The following PICALM variants were observed in gnomAD, a reference collection of about 807,000 sequenced individuals.
PICALM encodes the protein phosphatidylinositol binding clathrin assembly protein.
A neutral mutation model predicts 80.5 loss-of-function variants in PICALM; 40 were observed. The ratio of observed to expected loss-of-function variants is 0.50; its 90% confidence interval spans 0.39 to 0.65. The LOEUF (loss-of-function observed/expected upper bound fraction) is 0.65. PICALM is among the 30% of genes least tolerant of loss of function. The probability of loss-of-function intolerance (pLI) is 0.00; values close to 1 mark genes in which losing one functional copy is unlikely to be tolerated. For missense variants in PICALM, 676 were observed against 778.9 expected (o/e 0.87, Z 1.57); for synonymous variants, 288 against 260.3 (o/e 1.11, Z -1.02).
intron 1 of PICALM, among the ~76,000 whole-genome samples, chr11:86,060,637 ACACCTT>A (rs1217632157): frequency 3.3e-5 from 5 of 152,106 alleles, no homozygotes; most frequent in Admixed American, 3.3e-4. Context: ...TCCCCAGACC[ACACCTT>A]AAGAACCACT....
rs2093561812 is a variant in PICALM at position 85,957,183 on chromosome 11, A to G, written c.*1863T>C. On this transcript the variant is annotated 3_prime_UTR_variant, in exon 20 of 20. Transcript: ENST00000393346. ...AAAGTACAACTTCCCAGTTTATATGAAAATGGTTTAATAATACTGAAACTT... is the reference window on the plus strand; with the variant it reads ...AAAGTACAACTTCCCAGTTTATATGGAAATGGTTTAATAATACTGAAACTT... 6.6e-6 allele frequency among the ~76,000 whole-genome samples: 1 copy of G among 152,222 alleles called. No individual in the cohort carries two copies.
intron 2 of PICALM, among the ~76,000 whole-genome samples, chr11:86,030,583 T>A (rs889163544): frequency 8.5e-5 from 13 of 152,252 alleles, no homozygotes; most frequent in African/African-American, 3.1e-4. Flanking sequence ...GCTGAGAAAA[T>A]GAACCAAAAA....
chr11:86,066,325 A>G (rs1356385541), intron 1 of PICALM, among the ~76,000 whole-genome samples: 1 of 152,190 alleles, frequency 6.6e-6, no homozygotes, highest in Non-Finnish European at 1.5e-5. Flanking sequence ...CTGTATTTTA[A>G]AACCTCATTG....
At chr11:86,051,033 A>G (rs551246763) in intron 1 of PICALM, among the ~76,000 whole-genome samples, 8 of 152,326 alleles carry the variant, frequency 5.3e-5, no homozygotes, top group Admixed American at 5.2e-4. Context: ...AACAAGAATC[A>G]CATAAGACAA....
chr11:86,021,134 G>C (rs891769692), intron 4 of PICALM, among the ~76,000 whole-genome samples: 33 of 152,110 alleles, frequency 2.2e-4, no homozygotes, highest in South Asian at 2.1e-4. Context: ...GACTGCTTGA[G>C]CCCAGGAGTT....
intron 1 of PICALM, among the ~76,000 whole-genome samples, chr11:86,062,910 A>T (rs1352609562): frequency 6.6e-6 from 1 of 152,238 alleles, no homozygotes; most frequent in Non-Finnish European, 1.5e-5. Context: ...TACCAAAAGA[A>T]CAGGAAGAGC....
rs1164193905 is a variant in PICALM at position 86,068,798 on chromosome 11, C to G, written c.-18G>C. ...CCGGACATCTCTGCAGCTCCTCCACCACCCCACCCGCTCAGCAGCCGGCGG... is the reference window on the plus strand; with the variant it reads ...CCGGACATCTCTGCAGCTCCTCCACGACCCCACCCGCTCAGCAGCCGGCGG... On this transcript the variant is annotated 5_prime_UTR_variant, in exon 1 of 20. Coordinates refer to ENST00000393346, the MANE Select transcript of PICALM (RefSeq NM_007166.4). The G allele has an allele frequency of 6.3e-7, 1 of 1,593,100 alleles. No individual in the cohort carries two copies. Among genetic ancestry groups the G allele is most frequent in the Admixed American group, 1.7e-5 (1 of 57,924 alleles).
intron 1 of PICALM, among the ~76,000 whole-genome samples, chr11:86,043,608 C>A (rs2096013900): frequency 6.6e-6 from 1 of 152,164 alleles, no homozygotes; most frequent in Admixed American, 6.5e-5. Flanking sequence ...CTCTTTGTAT[C>A]TTCCACAATG....
intron 1 of PICALM, among the ~76,000 whole-genome samples, chr11:86,038,234 C>T (rs1006636118): frequency 2.6e-5 from 4 of 151,752 alleles, no homozygotes; most frequent in East Asian, 1.9e-4. Flanking sequence ...ACAGGAGAAT[C>T]GCTTGAACCC....
chr11:85,987,720 C>G (rs2094620545), intron 13 of PICALM, among the ~76,000 whole-genome samples: 1 of 152,350 alleles, frequency 6.6e-6, no homozygotes, highest in African/African-American at 2.4e-5. Flanking sequence ...ATCCTCCTGC[C>G]TCAGCTTCCT....
chr11:85,996,864 G>C lies in PICALM; in HGVS notation c.1220C>G (p.Pro407Arg). ...TGCTACCTGAGAAGCAGTTGACATAGGATGTACAGATGGGTGAAAAGTTGG... is the reference window on the plus strand; with the variant it reads ...TGCTACCTGAGAAGCAGTTGACATACGATGTACAGATGGGTGAAAAGTTGG... ...QQPTFHPSVH[P>R]MSTASQVAST... is the part of the protein sequence containing the mutation. The change falls in exon 12 of 20, where the codon CCT becomes CGT. Residue 407 changes from proline (P) to arginine (R), a missense_variant. Physicochemically the swap from Pro to Arg is moderately radical, Grantham distance 103. Coordinates refer to ENST00000393346, the MANE Select transcript of PICALM (RefSeq NM_007166.4). 6.2e-7 allele frequency: 1 copy of C among 1,612,290 alleles called. No homozygotes were observed.
intron 11 of PICALM, among the ~76,000 whole-genome samples, chr11:85,999,577 G>GA (rs996034624): frequency 6.6e-6 from 1 of 151,794 alleles, no homozygotes; most frequent in African/African-American, 2.4e-5. Flanking sequence ...AAAGCTGAAA[G>GA]AAAAAAAAGA....
chr11:85,989,972 G>C (rs79484910), intron 13 of PICALM, among the ~76,000 whole-genome samples: 4,060 of 124,050 alleles, frequency 0.033, 206 homozygotes, highest in African/African-American at 0.12. Context: ...TAGACAGCTA[G>C]AGTATTGCAC....
chr11:85,978,313 A>G (rs999532235), intron 17 of PICALM: 9 of 408,636 alleles, frequency 2.2e-5, no homozygotes, highest in Non-Finnish European at 4.0e-5. Context: ...CTCTTTATAT[A>G]AAAAATAGTT....
intron 9 of PICALM, 80 bp from the exon 10 acceptor site, chr11:86,001,238 C>T: frequency 7.3e-7 from 1 of 1,370,136 alleles, no homozygotes; most frequent in African/African-American, 1.4e-5. Flanking sequence ...GGTCTGGCAA[C>T]CTTGCCATGG....
chr11:86,007,867 C>A lies in PICALM; in HGVS notation c.766-284G>T, dbSNP rs190871538. On this transcript the variant is annotated intron_variant, in intron 7 of 19. Coordinates refer to ENST00000393346, the MANE Select transcript of PICALM (RefSeq NM_007166.4). ...TGTATGTAAGCTACCTTGTCACAAT[C>A]TGAAAACTCCCCTCTCTTCTATGTG... Among the ~76,000 whole-genome samples the A allele has an allele frequency of 1.6e-4, 24 of 151,988 alleles. No homozygotes were observed. The East Asian group carries it at 4.3e-3, about 27-fold the overall frequency.
chr11:85,974,084 C>T (rs2094196651), intron 19 of PICALM, among the ~76,000 whole-genome samples: 1 of 151,544 alleles, frequency 6.6e-6, no homozygotes, highest in Admixed American at 6.6e-5. Flanking sequence ...AATAATGGGA[C>T]AAAAAACAAT....
Position 86,022,473 on chromosome 11 carries a change from T to G in PICALM, c.350-4A>C, listed in dbSNP as rs746375569. 4.9e-6 allele frequency: 7 copies of G among 1,419,684 alleles called. No individual in the cohort carries two copies. Among genetic ancestry groups the G allele is most frequent in the Non-Finnish European group, 6.6e-6 (7 of 1,060,072 alleles). 87.9% of individuals were successfully genotyped at this position (1,419,684 alleles called of 1,614,324 possible). On this transcript the variant is annotated splice_region_variant and splice_polypyrimidine_tract_variant and intron_variant, in intron 3 of 19. Coordinates refer to ENST00000393346, the MANE Select transcript of PICALM (RefSeq NM_007166.4). ...ATAAATGTAGACATGTCATATCCTG[T>G]AAAAAAACAAAAACAAAAACAAAAC...
chr11:85,968,404 G>A (rs2093981022), intron 19 of PICALM, among the ~76,000 whole-genome samples: 1 of 152,128 alleles, frequency 6.6e-6, no homozygotes, highest in African/African-American at 2.4e-5. Context: ...GGGAAAATAG[G>A]CAGATTGATA....
Sources: allele counts gnomAD v4.1 joint callset (sites outside exome capture counted in the v4.1 genomes callset), GRCh38; gene constraint gnomAD v4.1.1; transcripts MANE v1.5; gene names NCBI Gene and HGNC (gene_info 2026-07-23, HGNC 2026-07-21).